SEC23B: variants seen among roughly 807,000 people sequenced by gnomAD.
SEC23B encodes the protein protein transport protein Sec23B.
A neutral mutation model predicts 104.3 loss-of-function variants in SEC23B; 77 were observed. That is an observed-to-expected ratio of 0.74 (90% confidence interval 0.61 to 0.89). The LOEUF (loss-of-function observed/expected upper bound fraction) is 0.89. Among genes scored for constraint, SEC23B ranks in the 40% least tolerant of loss-of-function variants. SEC23B has a pLI of 0.00. For synonymous variants in SEC23B, 338 were observed against 332.5 expected (o/e 1.02, Z -0.18); for missense variants, 885 against 949.4 (o/e 0.93, Z 0.89).
intron 4 of SEC23B, among the ~76,000 whole-genome samples, chr20:18,518,576 A>C (rs1157721636): frequency 9.6e-6 from 1 of 103,800 alleles, no homozygotes; most frequent in Non-Finnish European, 2.0e-5. Context: ...GTGAGGCTGG[A>C]AGGAGGTTTT....
At chr20:18,554,826 CAA>C (rs34982139) in intron 18 of SEC23B, among the ~76,000 whole-genome samples, 3 of 120,252 alleles carry the variant, frequency 2.5e-5, no homozygotes, top group Admixed American at 1.7e-4. Context: ...GACTCCGTCT[CAA>C]AAAAAAAAAA....
intron 12 of SEC23B, among the ~76,000 whole-genome samples, chr20:18,540,089 C>T (rs562641924): frequency 2.6e-5 from 4 of 152,194 alleles, no homozygotes; most frequent in Non-Finnish European, 5.9e-5. Flanking sequence ...GACCTCTTCC[C>T]ATGAATGATG....
intron 8 of SEC23B, among the ~76,000 whole-genome samples, chr20:18,526,850 C>T (rs1269014273): frequency 1.3e-5 from 2 of 152,158 alleles, no homozygotes; most frequent in African/African-American, 4.8e-5. Context: ...GAGGCCGAGG[C>T]TGGCAGATCA....
At chr20:18,511,903 G>A (rs1004087062) in intron 2 of SEC23B, among the ~76,000 whole-genome samples, 30 of 152,162 alleles carry the variant, frequency 2.0e-4, no homozygotes, top group African/African-American at 7.0e-4. Flanking sequence ...ATCATGAAGA[G>A]TATGTTAAGA....
At chr20:18,524,809 C>T in intron 5 of SEC23B, 126 bp from the exon 6 acceptor site, 1 of 1,228,276 alleles carries the variant, frequency 8.1e-7, no homozygotes, top group Non-Finnish European at 1.2e-6. Flanking sequence ...TGGCCCACCT[C>T]AGCCTCATGA....
At position 18,555,086 on chromosome 20, in the gene SEC23B, TTTG is replaced by T. The variant is rs746737770; in HGVS notation, c.2149-7_2149-5del. 2.7e-4 allele frequency: 428 copies of T among 1,599,578 alleles called. 1 individual carries two copies. The highest frequency in any genetic ancestry group is 3.3e-4 in the Non-Finnish European group (382 of 1,166,902). ...TGTCACTTTTTAATCTTTAAATCTT[TTTG>T]TTGTTGTTGTTGTTAAAGGCTCGAT... On this transcript the variant is annotated intron_variant, in intron 18 of 19. Coordinates refer to ENST00000650089, the MANE Select transcript of SEC23B (RefSeq NM_006363.6).
Position 18,524,617 on chromosome 20 carries a change from C to G in SEC23B, c.551C>G (p.Ser184Cys), listed in dbSNP as rs775848933. The G allele has an allele frequency of 1.7e-5, 27 of 1,614,054 alleles. No individual in the cohort carries two copies. The highest frequency in any genetic ancestry group is 1.7e-5 in the Admixed American group (1 of 60,004). ...QVHELSCEGI[S>C]KSYVFRGTKD... Reference sequence around the variant, plus strand: ...CATGAGCTAAGCTGTGAAGGAATCTCCAAAAGTTATGTCTTCCGAGGGACC... The same window carrying G: ...CATGAGCTAAGCTGTGAAGGAATCTGCAAAAGTTATGTCTTCCGAGGGACC... The change falls in exon 5 of 20, where the codon TCC becomes TGC. Residue 184 changes from serine to cysteine, a missense_variant. Ser to Cys is a moderately radical substitution (Grantham distance 112). Coordinates refer to ENST00000650089, the MANE Select transcript of SEC23B (RefSeq NM_006363.6).
intron 4 of SEC23B, among the ~76,000 whole-genome samples, chr20:18,518,200 T>C (rs867774776): frequency 1.2e-4 from 19 of 152,200 alleles, no homozygotes; most frequent in Non-Finnish European, 2.6e-4. Context: ...CAAGGAATTA[T>C]GTCTGACAAA....
intron 4 of SEC23B, among the ~76,000 whole-genome samples, chr20:18,521,638 G>A (rs892018582): frequency 3.9e-5 from 6 of 152,150 alleles, no homozygotes; most frequent in Non-Finnish European, 8.8e-5. Context: ...AGATTATAGG[G>A]TGGGGGAGCA....
At chr20:18,525,990 A>G (rs576349078) in intron 7 of SEC23B, 58 bp downstream of exon 7, 7 of 1,564,494 alleles carry the variant, frequency 4.5e-6, no homozygotes, top group South Asian at 1.1e-5. Flanking sequence ...CAGAAAATAT[A>G]TTTGTTGGCT....
In SEC23B at chr20:18,521,020, A is replaced by G. The variant is rs867393005; in HGVS notation, c.367-3413A>G. 2.6e-5 allele frequency among the ~76,000 whole-genome samples: 4 copies of G among 152,118 alleles called. No individual in the cohort carries two copies. In the South Asian group the frequency reaches 6.2e-4, roughly 24 times the overall value. On this transcript the variant is annotated intron_variant, in intron 4 of 19. Transcript: ENST00000650089. ...TTAGGAAGAATCCCGGGCTGCGGGC[A>G]TTCCTTGGTCCAGTGGCCAGATTTC...
At chr20:18,550,754 G>C (rs1236183247) in intron 16 of SEC23B, among the ~76,000 whole-genome samples, 5 of 151,950 alleles carry the variant, frequency 3.3e-5, no homozygotes, top group Non-Finnish European at 7.4e-5. Flanking sequence ...GAGCCCAGGA[G>C]GTCGAAGCTG....
intron 15 of SEC23B, among the ~76,000 whole-genome samples, chr20:18,548,112 C>T (rs955511661): frequency 3.3e-5 from 5 of 151,880 alleles, no homozygotes; most frequent in Non-Finnish European, 7.4e-5. Context: ...CCACCACACC[C>T]GGGTAATTTT....
intron 2 of SEC23B, 24 bp from the exon 3 acceptor site, chr20:18,512,201 T>G (rs766164145): frequency 1.4e-6 from 2 of 1,478,818 alleles, no homozygotes; most frequent in Admixed American, 3.4e-5. Context: ...TGGTACCTAC[T>G]TATAATATTT....
At chr20:18,542,896 C>T in intron 13 of SEC23B, 123 bp from the exon 14 acceptor site, 6 of 1,283,708 alleles carry the variant, frequency 4.7e-6, no homozygotes, top group Non-Finnish European at 6.8e-6. Context: ...ACCTTGCCCT[C>T]CCAAAGTGTT....
At chr20:18,552,668 G>A (rs1296314219) in intron 17 of SEC23B, among the ~76,000 whole-genome samples, 1 of 152,014 alleles carries the variant, frequency 6.6e-6, no homozygotes, top group Non-Finnish European at 1.5e-5. Context: ...ACAAAAATTA[G>A]CTGGGCATGG....
intron 2 of SEC23B, among the ~76,000 whole-genome samples, chr20:18,511,328 A>C (rs2059980366): frequency 6.6e-6 from 1 of 152,046 alleles, no homozygotes; most frequent in South Asian, 2.1e-4. Context: ...TTTTTGGCTG[A>C]TAATCAGTTT....
At chr20:18,519,886 C>A (rs137935730) in intron 4 of SEC23B, among the ~76,000 whole-genome samples, 50 of 152,150 alleles carry the variant, frequency 3.3e-4, no homozygotes, top group African/African-American at 1.2e-3. Context: ...CGGGTGTTTT[C>A]ATGAAGAATT....
chr20:18,536,411 G>A (rs973369884), intron 12 of SEC23B, among the ~76,000 whole-genome samples: 1 of 152,168 alleles, frequency 6.6e-6, no homozygotes, highest in Non-Finnish European at 1.5e-5. Flanking sequence ...CACATATAAC[G>A]GCCGGGTGCT....
Sources: gnomAD v4.1 joint callset for allele counts (sites outside exome capture counted in the v4.1 genomes callset) on GRCh38, gnomAD v4.1.1 for gene constraint, MANE v1.5 for transcripts, NCBI Gene and HGNC (gene_info 2026-07-23, HGNC 2026-07-21) for gene names.